The following GLIPR1L1 variants were observed in gnomAD, a reference collection of about 807,000 sequenced individuals.
GLIPR1L1 encodes the protein GLIPR1 like 1.
In GLIPR1L1, 26 loss-of-function variants were observed where a neutral mutation model predicts 29.9. That is an observed-to-expected ratio of 0.87 (90% CI 0.64 to 1.21). The LOEUF is 1.21. Ranked by LOEUF, GLIPR1L1 falls within the 50% of genes most tolerant of loss-of-function variation. The pLI is 0.00. For missense variants in GLIPR1L1, 305 were observed against 290.3 expected, an observed-to-expected ratio of 1.05 and a Z score of -0.37; for synonymous variants, 77 against 97.5, an observed-to-expected ratio of 0.79 and a Z score of 1.24.
intron 3 of GLIPR1L1, among the ~76,000 whole-genome samples, chr12:75,354,015 G>A (rs1029874360): frequency 2.6e-5 from 4 of 152,104 alleles, no homozygotes; most frequent in African/African-American, 4.8e-5. Flanking sequence ...AGCCATTTAT[G>A]AGAAACCCAT....
At chr12:75,355,552 T>C (rs891026496) in intron 3 of GLIPR1L1, among the ~76,000 whole-genome samples, 1 of 152,148 alleles carries the variant, frequency 6.6e-6, no homozygotes, top group Admixed American at 6.6e-5. Context: ...AGTCAAACCA[T>C]TGTAGAAGAC....
chr12:75,364,504 T>G (rs1226620513), intron 4 of GLIPR1L1, among the ~76,000 whole-genome samples: 2 of 152,208 alleles, frequency 1.3e-5, no homozygotes, highest in African/African-American at 2.4e-5. Context: ...ATCCAAAAAC[T>G]TATAGCCAAT....
chr12:75,343,934 C>T lies in GLIPR1L1; in HGVS notation c.416C>T (p.Thr139Ile). Residue 139 changes from threonine to isoleucine, a missense_variant, in exon 2 of 6, where the codon ACA (threonine) becomes ATA (isoleucine). Physicochemically the swap from Thr to Ile is moderately conservative, Grantham distance 89. Coordinates refer to ENST00000378695, the MANE Select transcript of GLIPR1L1 (RefSeq NM_001304964.2). ...TGCTCCAGAGTCTGTGGCCATTATA[C>T]ACAGGTAAATATTTGACATCTTTAT... The part of the protein sequence containing the change: ...LSCSRVCGHY[T>I]QLVWANSFYV... 6.2e-7 allele frequency: 1 copy of T among 1,604,660 alleles called. No homozygotes were observed. The highest frequency in any genetic ancestry group is 1.1e-5 in the South Asian group (1 of 90,010).
In GLIPR1L1 at chr12:75,354,111, C is replaced by G. The variant is rs1026414732; in HGVS notation, c.521+6389C>G. ...ACAAAAATGTCCTCTCTCACCACTT[C>G]TATTCAACATAGTATTGGAAGTTCT... On this transcript the variant is annotated intron_variant, in intron 3 of 5. Transcript: ENST00000378695. Among the ~76,000 whole-genome samples the G allele has an allele frequency of 5.1e-5, 7 of 136,564 alleles. No homozygotes were observed. In the East Asian group the frequency reaches 1.6e-3, roughly 31 times the overall value. 89.6% of individuals were successfully genotyped at this position (136,564 alleles called of 152,430 possible). A position where few individuals can be genotyped will look rare whatever the true frequency, so the allele number is the denominator to read the frequency against.
Position 75,361,734 on chromosome 12 carries a change from G to C in GLIPR1L1, c.522-1368G>C, listed in dbSNP as rs149319172. 1.5e-4 allele frequency among the ~76,000 whole-genome samples: 23 copies of C among 152,254 alleles called. No homozygotes were observed. In the East Asian group the frequency reaches 4.1e-3, roughly 27 times the overall value. On this transcript the variant is annotated intron_variant, in intron 3 of 5. Transcript: ENST00000378695. ...ACACTTTTGAAACCATCAGATCTCAGTAGAACTCACTCACTATCATAAGAA... is the reference window on the plus strand; with the variant it reads ...ACACTTTTGAAACCATCAGATCTCACTAGAACTCACTCACTATCATAAGAA...
intron 4 of GLIPR1L1, among the ~76,000 whole-genome samples, chr12:75,365,871 C>A (rs376671998): frequency 2.0e-4 from 30 of 152,190 alleles, no homozygotes; most frequent in South Asian, 4.1e-4. Flanking sequence ...ATTAAACCAA[C>A]AATACCAAAT....
At chr12:75,357,499 A>C (rs2043229203) in intron 3 of GLIPR1L1, among the ~76,000 whole-genome samples, 1 of 152,102 alleles carries the variant, frequency 6.6e-6, no homozygotes, top group Non-Finnish European at 1.5e-5. Context: ...GAACACTCTC[A>C]AGCAACTTTA....
chr12:75,347,519 C>A, intron 2 of GLIPR1L1, 103 bp from the exon 3 acceptor site: 1 of 605,298 alleles, frequency 1.7e-6, no homozygotes, highest in South Asian at 2.1e-5. Context: ...TATTTATGTA[C>A]ATTATTTTTT....
chr12:75,343,854 T>C lies in GLIPR1L1; in HGVS notation c.336T>C (p.His112=), dbSNP rs773841296. The part of the protein sequence containing the change: ...LGGIKSFTPR[H]AITAWYNETQ... Reference sequence around the variant, plus strand: ...GAATAAAGTCATTCACACCAAGACATGCCATTACGGCTTGGTATAATGAAA... The same window carrying C: ...GAATAAAGTCATTCACACCAAGACACGCCATTACGGCTTGGTATAATGAAA... The change falls in exon 2 of 6, where the codon CAT becomes CAC. Residue 112 remains histidine, a synonymous_variant. Coordinates refer to ENST00000378695, the MANE Select transcript of GLIPR1L1 (RefSeq NM_001304964.2). The C allele has an allele frequency of 1.9e-6, 3 of 1,613,044 alleles. No individual in the cohort carries two copies. Among genetic ancestry groups the C allele is most frequent in the East Asian group, 2.2e-5 (1 of 44,806 alleles).
In GLIPR1L1 at chr12:75,334,907, G is replaced by T. The variant is rs2041615613; in HGVS notation, c.174+5G>T. On this transcript the variant is annotated splice_donor_5th_base_variant and intron_variant, in intron 1 of 5. Transcript: ENST00000378695. ...GCGGCCGACATGAAATACATGGTGA[G>T]AAAGAACCAGGGCTGGGCTCTTAAA... 6.2e-7 allele frequency: 1 copy of T among 1,612,820 alleles called. No individual in the cohort carries two copies. Among genetic ancestry groups the T allele is most frequent in the African/African-American group, 1.3e-5 (1 of 75,008 alleles).
chr12:75,342,445 T>A (rs137960943), intron 1 of GLIPR1L1, among the ~76,000 whole-genome samples: 44 of 152,296 alleles, frequency 2.9e-4, no homozygotes, highest in African/African-American at 9.9e-4. Flanking sequence ...TATAATTAGT[T>A]AAAAATAAAA....
At chr12:75,366,363 T>A (rs1415218534) in intron 4 of GLIPR1L1, among the ~76,000 whole-genome samples, 1 of 152,138 alleles carries the variant, frequency 6.6e-6, no homozygotes, top group East Asian at 1.9e-4. Context: ...ACAGCAGATT[T>A]AAAGCAGGCA....
intron 1 of GLIPR1L1, among the ~76,000 whole-genome samples, chr12:75,340,714 A>T (rs1288248996): frequency 6.6e-6 from 1 of 151,732 alleles, no homozygotes; most frequent in Non-Finnish European, 1.5e-5. Flanking sequence ...TAGAGAAAGA[A>T]GTCTCAAAAC....
At chr12:75,368,648 A>G (rs1198070651) in intron 4 of GLIPR1L1, among the ~76,000 whole-genome samples, 1 of 151,886 alleles carries the variant, frequency 6.6e-6, no homozygotes, top group Non-Finnish European at 1.5e-5. Context: ...TGGCCATATA[A>G]TTTTCCTCCT....
chr12:75,336,945 C>A (rs1362576782), intron 1 of GLIPR1L1, among the ~76,000 whole-genome samples: 2 of 151,392 alleles, frequency 1.3e-5, no homozygotes, highest in African/African-American at 4.8e-5. Flanking sequence ...AGTCTTAAAC[C>A]AGAAATAAAG....
chr12:75,366,877 T>G, intron 4 of GLIPR1L1: 1 of 701,576 alleles, frequency 1.4e-6, no homozygotes, highest in South Asian at 1.5e-5. Flanking sequence ...AAACTAATTT[T>G]GTTGAGGGTT....
chr12:75,340,814 A>T (rs889673181), intron 1 of GLIPR1L1, among the ~76,000 whole-genome samples: 8 of 152,132 alleles, frequency 5.3e-5, no homozygotes, highest in Non-Finnish European at 1.0e-4. Flanking sequence ...ATGGAAAATA[A>T]GCACATGAAA....
At chr12:75,355,427 T>C (rs570408251) in intron 3 of GLIPR1L1, among the ~76,000 whole-genome samples, 2 of 152,256 alleles carry the variant, frequency 1.3e-5, no homozygotes, top group African/African-American at 4.8e-5. Context: ...TTAGATACCA[T>C]CTCATGCCAG....
chr12:75,367,518 G>A (rs80287212), intron 4 of GLIPR1L1, among the ~76,000 whole-genome samples: 283 of 54,410 alleles, frequency 5.2e-3, no homozygotes, highest in African/African-American at 0.013. Flanking sequence ...TCTCCACGTC[G>A]TGTACCACAG....
Sources: gnomAD v4.1 joint callset for allele counts (sites outside exome capture counted in the v4.1 genomes callset) on GRCh38, gnomAD v4.1.1 for gene constraint, MANE v1.5 for transcripts, NCBI Gene and HGNC (gene_info 2026-07-23, HGNC 2026-07-21) for gene names.